RGPD2: variants seen among roughly 807,000 people sequenced by gnomAD.
The protein encoded by RGPD2 is RANBP2 like and GRIP domain containing 2.
Under a neutral mutation model 36.0 loss-of-function variants are expected in RGPD2, and 2 were observed. The ratio of observed to expected loss-of-function variants is 0.06; its 90% CI spans 0.02 to 0.17. RGPD2 has a LOEUF of 0.17. Ranked by LOEUF, RGPD2 falls within the 10% of genes least tolerant of loss-of-function variation. The pLI is 1.00. For synonymous variants in RGPD2, 19 were observed against 163.8 expected, an observed-to-expected ratio of 0.12 and a Z score of 6.75; for missense variants, 40 against 464.3, an observed-to-expected ratio of 0.09 and a Z score of 8.40.
At chr2:87,988,703 G>A in the RGPD2 span, among the ~76,000 whole-genome samples, 62 of 151,140 alleles carry the variant, frequency 4.1e-4, no homozygotes, top group Admixed American at 2.2e-3. Context: ...ACCACACCCC[G>A]CTGATTTTTG....
At chr2:87,886,299 G>A in the RGPD2 span, among the ~76,000 whole-genome samples, 1 of 151,820 alleles carries the variant, frequency 6.6e-6, no homozygotes, top group Admixed American at 6.6e-5. Context: ...TTTCATTGCA[G>A]TCTTCCTTGT....
chr2:87,921,991 T>C, the RGPD2 span, among the ~76,000 whole-genome samples: 1 of 150,380 alleles, frequency 6.6e-6, no homozygotes, highest in African/African-American at 2.5e-5. Context: ...CTTCCCCAAT[T>C]TTTTTGAAAC....
chr2:87,940,624 T>C, the RGPD2 span, among the ~76,000 whole-genome samples: 2 of 77,490 alleles, frequency 2.6e-5, no homozygotes, highest in East Asian at 1.5e-3. Flanking sequence ...TCAAGATAAA[T>C]TTTCTGTTTG....
At chr2:87,813,914 T>G (rs1239623615) in intron 4 of RGPD2, among the ~76,000 whole-genome samples, 1 of 149,708 alleles carries the variant, frequency 6.7e-6, no homozygotes, top group African/African-American at 2.5e-5. Flanking sequence ...ACAGGAAAGG[T>G]GTTAACAGTG....
At chr2:87,856,755 A>G in the RGPD2 span, among the ~76,000 whole-genome samples, 3 of 152,212 alleles carry the variant, frequency 2.0e-5, no homozygotes, top group Non-Finnish European at 4.4e-5. Context: ...TGCTGAATAA[A>G]TACCAGATAG....
the RGPD2 span, among the ~76,000 whole-genome samples, chr2:87,974,679 T>G: frequency 6.6e-6 from 1 of 152,246 alleles, no homozygotes; most frequent in Admixed American, 6.5e-5. Flanking sequence ...TACTTTCTCA[T>G]TGCCAATGCC....
At chr2:87,916,826 T>C in the RGPD2 span, among the ~76,000 whole-genome samples, 1 of 151,060 alleles carries the variant, frequency 6.6e-6, no homozygotes, top group Non-Finnish European at 1.5e-5. Context: ...CTCAAGAATG[T>C]CTTTATAGCA....
chr2:87,986,587 A>G, the RGPD2 span, among the ~76,000 whole-genome samples: 1 of 152,094 alleles, frequency 6.6e-6, no homozygotes, highest in Non-Finnish European at 1.5e-5. Flanking sequence ...GACAAATTAA[A>G]AGTCACTATG....
At chr2:87,809,173 C>T (rs1470108210) in intron 6 of RGPD2, among the ~76,000 whole-genome samples, 6 of 150,752 alleles carry the variant, frequency 4.0e-5, no homozygotes, top group East Asian at 2.0e-4. Context: ...GGTGTGGTGG[C>T]GGGCACCTGT....
chr2:87,860,299 G>A, the RGPD2 span, among the ~76,000 whole-genome samples: 6 of 151,898 alleles, frequency 4.0e-5, no homozygotes, highest in African/African-American at 7.3e-5. Flanking sequence ...AGCATTTTTT[G>A]TTGTGTATCC....
the RGPD2 span, among the ~76,000 whole-genome samples, chr2:87,857,419 T>C: frequency 1.3e-4 from 20 of 151,720 alleles, no homozygotes. Context: ...CTCAGCTCAC[T>C]GAAAGCTCTG....
chr2:87,875,410 T>A, the RGPD2 span, among the ~76,000 whole-genome samples: 2 of 152,280 alleles, frequency 1.3e-5, no homozygotes, highest in Non-Finnish European at 2.9e-5. Context: ...GTTTTTAACA[T>A]GAAGGGATGT....
the RGPD2 span, chr2:87,985,897 T>C: frequency 2.5e-6 from 4 of 1,601,052 alleles, no homozygotes; most frequent in Non-Finnish European, 3.4e-6. Flanking sequence ...AACTTAATTG[T>C]TTGCAAACAT....
chr2:87,838,137 A>C, the RGPD2 span, among the ~76,000 whole-genome samples: 1 of 150,454 alleles, frequency 6.6e-6, no homozygotes, highest in East Asian at 2.0e-4. Context: ...ACTACCAGAC[A>C]TATAAAGAAG....
the RGPD2 span, among the ~76,000 whole-genome samples, chr2:87,842,713 T>C: frequency 9.2e-5 from 14 of 151,754 alleles, no homozygotes; most frequent in African/African-American, 3.4e-4. Context: ...AAAACTACTT[T>C]AAAGTTCATA....
At chr2:87,825,375 C>T (rs1054763959) in intron 1 of RGPD2, among the ~76,000 whole-genome samples, 4 of 136,288 alleles carry the variant, frequency 2.9e-5, no homozygotes, top group Admixed American at 2.1e-4. Context: ...TACGCCGAGG[C>T]CGCCGCCGCC....
chr2:87,851,411 C>T, the RGPD2 span, among the ~76,000 whole-genome samples: 2 of 137,480 alleles, frequency 1.5e-5, no homozygotes, highest in African/African-American at 2.8e-5. Flanking sequence ...AGGCCAGGCG[C>T]GGTGGCTCAC....
chr2:87,936,838 A>C, the RGPD2 span, among the ~76,000 whole-genome samples: 1 of 120,038 alleles, frequency 8.3e-6, no homozygotes, highest in African/African-American at 3.3e-5. Flanking sequence ...AATTCTGTAA[A>C]TTCTCATGTA....
the RGPD2 span, among the ~76,000 whole-genome samples, chr2:87,939,744 G>A: frequency 6.6e-6 from 1 of 151,990 alleles, no homozygotes; most frequent in Admixed American, 6.6e-5. Context: ...GACAGAGAGA[G>A]AGAGAAAGAG....
Sources: gnomAD v4.1 joint callset for allele counts (sites outside exome capture counted in the v4.1 genomes callset) on GRCh38, gnomAD v4.1.1 for gene constraint, MANE v1.5 for transcripts, NCBI Gene and HGNC (gene_info 2026-07-23, HGNC 2026-07-21) for gene names.